The following DICER1 variants were observed in gnomAD, a reference collection of about 807,000 sequenced individuals.
DICER1 encodes endoribonuclease Dicer.
A neutral mutation model predicts 194.1 loss-of-function variants in DICER1; 43 were observed. The ratio of observed to expected loss-of-function variants is 0.22; its 90% confidence interval spans 0.17 to 0.29. The LOEUF (loss-of-function observed/expected upper bound fraction) is 0.29. DICER1 is among the 10% of genes least tolerant of loss of function. DICER1 has a pLI of 1.00. For missense variants in DICER1, 1,608 were observed against 2,317.0 expected (o/e 0.69, Z 6.28); for synonymous variants, 832 against 820.5 (o/e 1.01, Z -0.24).
At chr14:95,155,012 A>T (rs998618319) in intron 1 of DICER1, among the ~76,000 whole-genome samples, 2 of 152,244 alleles carry the variant, frequency 1.3e-5, no homozygotes, top group African/African-American at 4.8e-5. Flanking sequence ...CATTTGGAAC[A>T]GTAATGCAAT....
At position 95,126,703 on chromosome 14, in the gene DICER1, A is replaced by G; in HGVS notation, c.780T>C (p.Phe260=). ...PCEIVVDCGP[F]TDRSGLYERL... ...TTTCATAAAGCCCACTTCTGTCAGT[A>G]AATGGTCCACAATCCACCACAATCT... The change falls in exon 7 of 27, where the codon TTT becomes TTC. Residue 260 remains phenylalanine (F), a synonymous_variant. Transcript: ENST00000343455. 6.2e-7 allele frequency: 1 copy of G among 1,610,978 alleles called. No individual in the cohort carries two copies. The highest frequency in any genetic ancestry group is 8.5e-7 in the Non-Finnish European group (1 of 1,177,260).
Position 95,131,588 on chromosome 14 carries a change from T to A in DICER1, c.359A>T (p.Lys120Met), listed in dbSNP as rs1060503608. ...VSAVRTHSDL[K>M]VGEYSNLEVN... Reference sequence around the variant, plus strand: ...TTCTAGGTTTGAGTATTCCCCAACCTTGAGATCTGAATGAGTTCTGACAGC... The same window carrying A: ...TTCTAGGTTTGAGTATTCCCCAACCATGAGATCTGAATGAGTTCTGACAGC... The change falls in exon 4 of 27, where the codon AAG (lysine) becomes ATG (methionine). Residue 120 changes from lysine (K) to methionine (M), a missense_variant. By Grantham distance (95) the Lys-to-Met change is moderately conservative. Transcript: ENST00000343455. 10 of 1,613,596 alleles carry A rather than the reference T, an allele frequency of 6.2e-6. No individual in the cohort carries two copies. Among genetic ancestry groups the A allele is most frequent in the Non-Finnish European group, 7.6e-6 (9 of 1,179,500 alleles).
intron 22 of DICER1, 115 bp from the exon 23 acceptor site, chr14:95,096,828 A>G: frequency 8.2e-7 from 1 of 1,226,810 alleles, no homozygotes. Context: ...CACAAATACT[A>G]AAAGGCAACT....
rs929291338 is a variant in DICER1, at chr14:95,087,922, A to AT, written c.*2575dup. 1.4e-3 allele frequency: 314 copies of AT among 225,354 alleles called. No homozygotes were observed. The highest frequency in any genetic ancestry group is 2.2e-3 in the African/African-American group (97 of 44,680). The allele number at this position is 225,354 out of a possible 1,614,324, so 14.0% of individuals were successfully genotyped here. ...CTCTAAAGTGGGGCAACATAGAGTG[A>AT]TTTTTTTTTTCCTTAATTGACAGAT... is the stretch of plus-strand genomic sequence containing the variant. On this transcript the variant is annotated 3_prime_UTR_variant, in exon 27 of 27. Transcript: ENST00000343455.
At chr14:95,141,628 G>A (rs1422742223) in intron 1 of DICER1, 1 of 152,132 alleles carries the variant, frequency 6.6e-6, no homozygotes, top group African/African-American at 2.4e-5. Context: ...TTGCTAAGAA[G>A]TCAACAAAGC....
chr14:95,120,973 A>G (rs1352798947), intron 8 of DICER1, among the ~76,000 whole-genome samples: 1 of 152,204 alleles, frequency 6.6e-6, no homozygotes, highest in African/African-American at 2.4e-5. Context: ...GCAGACAAAC[A>G]CTATCACAAT....
Position 95,115,738 on chromosome 14 carries a change from T to C in DICER1, c.1836A>G (p.Pro612=). Residue 612 remains proline (P), a synonymous_variant, in exon 11 of 27, where the codon CCA becomes CCG. Coordinates refer to ENST00000343455, the MANE Select transcript of DICER1 (RefSeq NM_177438.3). ...CATCGTCAGGCCTCAACACATATGGTGGGAAAACGTCATCATCATCCATGA... is the reference window on the plus strand; with the variant it reads ...CATCGTCAGGCCTCAACACATATGGCGGGAAAACGTCATCATCATCCATGA... ...DPVMDDDDVF[P]PYVLRPDDGG... 6.2e-7 allele frequency: 1 copy of C among 1,614,138 alleles called. No individual in the cohort carries two copies. Among genetic ancestry groups the C allele is most frequent in the Non-Finnish European group, 8.5e-7 (1 of 1,180,010 alleles).
chr14:95,146,572 T>C (rs543115080), intron 1 of DICER1, among the ~76,000 whole-genome samples: 26 of 152,326 alleles, frequency 1.7e-4, no homozygotes, highest in African/African-American at 6.3e-4. Flanking sequence ...CACCCTTCAG[T>C]TGTCAGCATA....
At chr14:95,147,094 T>C (rs1457117646) in intron 1 of DICER1, among the ~76,000 whole-genome samples, 1 of 152,214 alleles carries the variant, frequency 6.6e-6, no homozygotes, top group African/African-American at 2.4e-5. Flanking sequence ...AATTGGGAAT[T>C]GGAAAACAAA....
Position 95,106,081 on chromosome 14 carries a change from G to A in DICER1, c.2947C>T (p.Leu983Phe), listed in dbSNP as rs1267003109. The A allele has an allele frequency of 6.2e-7, 1 of 1,614,212 alleles. No individual in the cohort carries two copies. Among genetic ancestry groups the A allele is most frequent in the Non-Finnish European group, 8.5e-7 (1 of 1,180,034 alleles). ...KTKYNLDLTN[L>F]NQPLLDVDHT... is the part of the protein sequence containing the mutation. ...TCCACATCCAGCAGTGGCTGGTTGA[G>A]ATTGGTTAGGTCAAGGTTGTACTTT... The change falls in exon 18 of 27, where the codon CTC becomes TTC. Residue 983 changes from leucine (L) to phenylalanine (F), a missense_variant. Physicochemically the swap from Leu to Phe is conservative, Grantham distance 22 (BLOSUM62 0). Coordinates refer to ENST00000343455, the MANE Select transcript of DICER1 (RefSeq NM_177438.3).
intron 1 of DICER1, among the ~76,000 whole-genome samples, chr14:95,145,872 C>A (rs779384992): frequency 2.6e-5 from 4 of 152,014 alleles, no homozygotes; most frequent in Non-Finnish European, 5.9e-5. Context: ...TGCACATTAA[C>A]CTAGTCATTA....
chr14:95,113,294 T>C (rs1238125600), intron 11 of DICER1, 70 bp from the exon 12 acceptor site: 6 of 1,487,342 alleles, frequency 4.0e-6, no homozygotes, highest in Middle Eastern at 1.7e-4. Flanking sequence ...AACCTCGAGT[T>C]TGATTTGTCA....
chr14:95,099,038 A>G (rs1451120842), intron 22 of DICER1, among the ~76,000 whole-genome samples: 1 of 152,230 alleles, frequency 6.6e-6, no homozygotes, highest in Non-Finnish European at 1.5e-5. Context: ...TGAAGTAACA[A>G]TGAGCCAATT....
chr14:95,097,110 A>G (rs760434642), intron 22 of DICER1, among the ~76,000 whole-genome samples: 2 of 152,238 alleles, frequency 1.3e-5, no homozygotes, highest in African/African-American at 4.8e-5. Context: ...TGCTGACAAA[A>G]TTTGAAAATG....
At position 95,124,189 on chromosome 14, in the gene DICER1, G is replaced by T; in HGVS notation, c.1376+7C>A. The stretch of plus-strand genomic sequence containing the variant: ...CTCATGTGAAAGGAGTCAACTTACA[G>T]ATTTACCTGTTTAAGACAACTGCTG... On this transcript the variant is annotated splice_region_variant and intron_variant, in intron 8 of 26. Transcript: ENST00000343455. This position sits in a 1 kb window ranked among gnomAD's most constrained non-coding sequence, Gnocchi z 4.5. 6.2e-7 allele frequency: 1 copy of T among 1,605,702 alleles called. No homozygotes were observed. The highest frequency in any genetic ancestry group is 1.1e-5 in the South Asian group (1 of 90,862).
chr14:95,146,659 G>A (rs1278805166), intron 1 of DICER1, among the ~76,000 whole-genome samples: 1 of 152,194 alleles, frequency 6.6e-6, no homozygotes, highest in East Asian at 1.9e-4. Context: ...CAGGTAGGCT[G>A]GGGCATGACT....
rs374916919 is a variant in DICER1 at position 95,105,651 on chromosome 14, G to T, written c.3093+27C>A. On this transcript the variant is annotated intron_variant, in intron 19 of 26. Transcript: ENST00000343455. This position sits in a 1 kb window ranked among gnomAD's most constrained non-coding sequence, Gnocchi z 4.9. Reference sequence around the variant, plus strand: ...TCTTTAATACTCAAACAAATACTAAGTTATGCTAGTACAATTAACTCATTA... The same window carrying T: ...TCTTTAATACTCAAACAAATACTAATTTATGCTAGTACAATTAACTCATTA... 1.5e-4 allele frequency: 218 copies of T among 1,436,390 alleles called. No individual in the cohort carries two copies. The highest frequency in any genetic ancestry group is 2.0e-4 in the Non-Finnish European group (203 of 1,018,520). 89.0% of individuals were successfully genotyped at this position (1,436,390 alleles called of 1,614,324 possible).
intron 1 of DICER1, among the ~76,000 whole-genome samples, chr14:95,138,678 C>G (rs1356531322): frequency 2.0e-5 from 3 of 151,960 alleles, no homozygotes; most frequent in African/African-American, 7.3e-5. Flanking sequence ...ACCTTACGTT[C>G]AGATTATTCA....
At chr14:95,120,532 C>A (rs1010519263) in intron 8 of DICER1, among the ~76,000 whole-genome samples, 3 of 152,160 alleles carry the variant, frequency 2.0e-5, no homozygotes, top group African/African-American at 7.2e-5. Flanking sequence ...ATGGCTGATT[C>A]TAGGGCCAGG....
Sources: allele counts gnomAD v4.1 joint callset (sites outside exome capture counted in the v4.1 genomes callset), GRCh38; gene constraint gnomAD v4.1.1; non-coding constraint Gnocchi (gnomAD v3.1); transcripts MANE v1.5; gene names NCBI Gene and HGNC (gene_info 2026-07-23, HGNC 2026-07-21).